The following VRK3 variants were observed in gnomAD, a reference collection of about 807,000 sequenced individuals.
VRK3 encodes serine/threonine-protein kinase VRK3.
In VRK3, 50 loss-of-function variants were observed where a neutral mutation model predicts 60.4. The observed-to-expected ratio is 0.83, with a 90% CI of 0.66 to 1.05. VRK3 has a LOEUF of 1.05. Among genes scored for constraint, VRK3 ranks in the 50% least tolerant of loss-of-function variants. The pLI is 0.00. For missense variants in VRK3, 549 were observed against 585.3 expected (o/e 0.94, Z 0.64); for synonymous variants, 246 against 227.8 (o/e 1.08, Z -0.72).
chr19:50,007,501 C>T lies in VRK3; in HGVS notation c.547+68G>A, dbSNP rs1259025617. 3.6e-5 allele frequency: 58 copies of T among 1,590,778 alleles called. 1 individual carries two copies. The highest frequency in any genetic ancestry group is 1.3e-4 in the East Asian group (6 of 44,588). Reference sequence around the variant, plus strand: ...GTGGCTTCCATTCCCATTCTCAGAACGGGGTCCCCTCCCACTGTCCTGGTG... The same window carrying T: ...GTGGCTTCCATTCCCATTCTCAGAATGGGGTCCCCTCCCACTGTCCTGGTG... On this transcript the variant is annotated intron_variant, in intron 5 of 14. Transcript: ENST00000316763.
At chr19:49,982,097 G>A (rs758274201) in intron 12 of VRK3, 4 of 702,538 alleles carry the variant, frequency 5.7e-6, no homozygotes, top group Admixed American at 2.0e-5. Flanking sequence ...GGAACTGGGA[G>A]GAGGTGGAAA....
At chr19:49,988,257 C>T in intron 12 of VRK3, 115 bp downstream of exon 12, 1 of 1,469,868 alleles carries the variant, frequency 6.8e-7, no homozygotes, top group Non-Finnish European at 9.1e-7. Context: ...AGGACTTGGG[C>T]TCTGCTGGAT....
chr19:50,003,660 A>G (rs2076847044), intron 5 of VRK3, among the ~76,000 whole-genome samples: 1 of 152,224 alleles, frequency 6.6e-6, no homozygotes, highest in Non-Finnish European at 1.5e-5. Flanking sequence ...AACCATAACG[A>G]TTCAGCTTGT....
In VRK3 at chr19:50,020,846, C is replaced by G. The variant is rs531450099; in HGVS notation, c.-64-199G>C. Reference sequence around the variant, plus strand: ...AACAGCAGCAAAGGAAACAACACAGCCCCTGTCTTCAGGATGCGCACGTTC... The same window carrying G: ...AACAGCAGCAAAGGAAACAACACAGGCCCTGTCTTCAGGATGCGCACGTTC... On this transcript the variant is annotated intron_variant, in intron 1 of 14. Coordinates refer to ENST00000316763, the MANE Select transcript of VRK3 (RefSeq NM_016440.4). Among the ~76,000 whole-genome samples the G allele has an allele frequency of 1.1e-4, 17 of 152,354 alleles. No homozygotes were observed. The South Asian group carries it at 2.9e-3, about 26-fold the overall frequency.
intron 2 of VRK3, among the ~76,000 whole-genome samples, chr19:50,017,640 T>C (rs1456754178): frequency 2.0e-5 from 3 of 151,702 alleles, no homozygotes; most frequent in Admixed American, 2.0e-4. Context: ...AACATGGGCT[T>C]GTGATTTAAT....
intron 10 of VRK3, among the ~76,000 whole-genome samples, chr19:49,991,497 C>T (rs1021002426): frequency 8.0e-5 from 12 of 150,914 alleles, no homozygotes; most frequent in African/African-American, 3.0e-4. Context: ...ATCAATAAGC[C>T]AATTCCTTAT....
rs1014676806 is a variant in VRK3 at position 50,023,736 on chromosome 19, GGGT to G, written c.-65+1528_-65+1530del. The stretch of plus-strand genomic sequence containing the variant: ...GCAAAAGAAAATGTGCCAAGAAGGT[GGGT>G]GGGGGGGGTCCCCAGCTGTGTCAGT... On this transcript the variant is annotated intron_variant, in intron 1 of 14. Coordinates refer to ENST00000316763, the MANE Select transcript of VRK3 (RefSeq NM_016440.4). 2.8e-5 allele frequency among the ~76,000 whole-genome samples: 4 copies of G among 145,150 alleles called. 1 individual carries two copies. Among genetic ancestry groups the G allele is most frequent in the African/African-American group, 1.1e-4 (4 of 37,348 alleles).
chr19:50,006,428 T>G (rs1381238091), intron 5 of VRK3, among the ~76,000 whole-genome samples: 1 of 151,304 alleles, frequency 6.6e-6, no homozygotes, highest in Non-Finnish European at 1.5e-5. Context: ...CAGGATGGAG[T>G]GCAGTGGTGC....
chr19:50,004,183 TC>T (rs2076856059), intron 5 of VRK3, among the ~76,000 whole-genome samples: 1 of 152,162 alleles, frequency 6.6e-6, no homozygotes, highest in South Asian at 2.1e-4. Flanking sequence ...CTCCTGTGCT[TC>T]CACTGTGGGT....
intron 13 of VRK3, among the ~76,000 whole-genome samples, chr19:49,980,225 C>T (rs568447804): frequency 1.3e-5 from 2 of 152,224 alleles, no homozygotes; most frequent in Admixed American, 6.5e-5. Flanking sequence ...ACACCCCCGA[C>T]ACCCCAACAA....
At chr19:50,002,639 A>T (rs976863751) in intron 5 of VRK3, among the ~76,000 whole-genome samples, 5 of 152,166 alleles carry the variant, frequency 3.3e-5, no homozygotes, top group African/African-American at 1.2e-4. Context: ...TCACTTTTCT[A>T]ACTGGCCCTG....
At chr19:50,021,358 G>A (rs1191251508) in intron 1 of VRK3, among the ~76,000 whole-genome samples, 1 of 152,200 alleles carries the variant, frequency 6.6e-6, no homozygotes, top group East Asian at 1.9e-4. Context: ...ACCGGCAGCA[G>A]TAAGGCCATG....
At chr19:50,004,783 G>C (rs1054103441) in intron 5 of VRK3, among the ~76,000 whole-genome samples, 52 of 152,094 alleles carry the variant, frequency 3.4e-4, no homozygotes, top group African/African-American at 1.2e-3. Flanking sequence ...GGTGGCGCCT[G>C]CCTGTAGTCC....
chr19:49,980,045 G>A (rs527865015), intron 13 of VRK3, among the ~76,000 whole-genome samples: 97 of 151,740 alleles, frequency 6.4e-4, no homozygotes, highest in Middle Eastern at 3.4e-3. Flanking sequence ...GCAAGACTCC[G>A]TCTCAAAAAA....
intron 7 of VRK3, among the ~76,000 whole-genome samples, chr19:49,996,544 A>T (rs1284533140): frequency 6.6e-6 from 1 of 152,222 alleles, no homozygotes; most frequent in Non-Finnish European, 1.5e-5. Context: ...GTAGGAAATA[A>T]TTAGGAAGTG....
chr19:50,015,845 T>C (rs578060254), intron 3 of VRK3, 179 bp downstream of exon 3: 8 of 755,760 alleles, frequency 1.1e-5, no homozygotes, highest in Non-Finnish European at 1.7e-5. Flanking sequence ...TTCAAAGCCA[T>C]GAGGCCAATA....
chr19:50,013,131 C>A (rs1392940945), intron 3 of VRK3, among the ~76,000 whole-genome samples: 1 of 152,174 alleles, frequency 6.6e-6, no homozygotes, highest in Non-Finnish European at 1.5e-5. Context: ...CGCGTCACTG[C>A]ACTCCAGCCT....
intron 12 of VRK3, among the ~76,000 whole-genome samples, chr19:49,987,121 G>A (rs1282100419): frequency 2.0e-5 from 3 of 152,222 alleles, no homozygotes; most frequent in Admixed American, 1.3e-4. Flanking sequence ...AGATCCATCT[G>A]CCTTGGCCTC....
At chr19:50,018,018 T>C (rs1360360968) in intron 2 of VRK3, among the ~76,000 whole-genome samples, 5 of 152,146 alleles carry the variant, frequency 3.3e-5, no homozygotes, top group Non-Finnish European at 7.3e-5. Context: ...CTGGCTTCTG[T>C]TGCAAATGCA....
Sources: allele counts gnomAD v4.1 joint callset (sites outside exome capture counted in the v4.1 genomes callset), GRCh38; gene constraint gnomAD v4.1.1; transcripts MANE v1.5; gene names NCBI Gene and HGNC (gene_info 2026-07-23, HGNC 2026-07-21).